Variants in SYN3 observed in about 807,000 individuals in gnomAD.
SYN3 encodes the protein synapsin III.
SYN3 carries 35 observed loss-of-function variants against 65.8 expected under a neutral mutation model. The observed-to-expected ratio is 0.53, with a 90% CI of 0.41 to 0.70. The LOEUF is 0.70. Ranked by LOEUF, SYN3 falls within the 30% of genes least tolerant of loss-of-function variation. SYN3 has a pLI of 0.00. For synonymous variants in SYN3, 270 were observed against 292.9 expected, an observed-to-expected ratio of 0.92 and a Z score of 0.80; for missense variants, 680 against 749.0, an observed-to-expected ratio of 0.91 and a Z score of 1.08.
chr22:32,618,571 C>T (rs8135117), intron 6 of SYN3, among the ~76,000 whole-genome samples: 4 of 151,952 alleles, frequency 2.6e-5, no homozygotes, highest in Admixed American at 2.6e-4. Context: ...CATTTTCCCC[C>T]CTTTCATTCT....
At position 32,510,013 on chromosome 22, in the gene SYN3, G is replaced by A. The variant is rs906032887; in HGVS notation, c.*3679C>T. ...TCTGCGGCTGTTGTACACAGATACTGGAGTATCTGGGAGATATCCTTTGGA... is the reference window on the plus strand; with the variant it reads ...TCTGCGGCTGTTGTACACAGATACTAGAGTATCTGGGAGATATCCTTTGGA... On this transcript the variant is annotated 3_prime_UTR_variant, in exon 14 of 14. Transcript: ENST00000358763. Among the ~76,000 whole-genome samples, 1 of 152,172 alleles carries A rather than the reference G, an allele frequency of 6.6e-6. No homozygotes were observed. Among genetic ancestry groups the A allele is most frequent in the Non-Finnish European group, 1.5e-5 (1 of 68,040 alleles).
intron 7 of SYN3, among the ~76,000 whole-genome samples, chr22:32,549,567 T>C (rs1020156923): frequency 2.6e-5 from 4 of 152,190 alleles, no homozygotes; most frequent in Non-Finnish European, 5.9e-5. Context: ...TGCAAACTTT[T>C]ATCAAGAATT....
intron 6 of SYN3, among the ~76,000 whole-genome samples, chr22:32,630,282 G>A (rs1344716332): frequency 6.6e-6 from 1 of 151,888 alleles, no homozygotes; most frequent in Non-Finnish European, 1.5e-5. Context: ...ACACCCGGCC[G>A]TATGTATGTA....
intron 1 of SYN3, among the ~76,000 whole-genome samples, chr22:33,030,959 A>G (rs2053745023): frequency 6.6e-6 from 1 of 152,178 alleles, no homozygotes; most frequent in South Asian, 2.1e-4. Context: ...ACAGATATAC[A>G]TAGACAGACA....
At chr22:32,564,708 A>G (rs1157969521) in intron 7 of SYN3, among the ~76,000 whole-genome samples, 3 of 150,924 alleles carry the variant, frequency 2.0e-5, no homozygotes, top group Admixed American at 2.0e-4. Flanking sequence ...CTGCACCCAA[A>G]CAGTGCTCCC....
At chr22:32,726,313 T>C (rs2061191956) in intron 6 of SYN3, among the ~76,000 whole-genome samples, 1 of 152,172 alleles carries the variant, frequency 6.6e-6, no homozygotes, top group South Asian at 2.1e-4. Context: ...CAGCTAATTT[T>C]TGTATTTTTG....
At chr22:32,789,358 A>G (rs188564290) in intron 6 of SYN3, among the ~76,000 whole-genome samples, 1 of 152,312 alleles carries the variant, frequency 6.6e-6, no homozygotes, top group African/African-American at 2.4e-5. Flanking sequence ...AAGCAGTTCC[A>G]GCCACCTTCA....
intron 6 of SYN3, among the ~76,000 whole-genome samples, chr22:32,785,387 G>A (rs2046167953): frequency 6.6e-6 from 1 of 152,208 alleles, no homozygotes; most frequent in Admixed American, 6.5e-5. Context: ...AGGGTCCCTC[G>A]TACTTTCTTT....
chr22:32,833,858 G>A (rs773532534), intron 6 of SYN3: 8 of 500,786 alleles, frequency 1.6e-5, no homozygotes, highest in Non-Finnish European at 8.0e-6. Context: ...ATCATGCATG[G>A]AAAGTGCCTG....
At chr22:33,027,373 G>A (rs1452117362) in intron 1 of SYN3, among the ~76,000 whole-genome samples, 1 of 152,094 alleles carries the variant, frequency 6.6e-6, no homozygotes, top group Non-Finnish European at 1.5e-5. Context: ...GAAGCAGGCA[G>A]ATCGCCTGAG....
chr22:32,759,827 T>G (rs1322084677), intron 6 of SYN3, among the ~76,000 whole-genome samples: 3 of 13,750 alleles, frequency 2.2e-4, no homozygotes, highest in African/African-American at 6.4e-4. Context: ...CCACCCACCA[T>G]CAGCCAGCAC....
At chr22:32,586,036 ATGTATATGTATATATG>A (rs2059029807) in intron 7 of SYN3, among the ~76,000 whole-genome samples, 1 of 103,592 alleles carries the variant, frequency 9.7e-6, no homozygotes, top group Non-Finnish European at 1.8e-5. Context: ...GTATGTATAT[ATGTATATGTATATATG>A]TGTATATGTA....
At chr22:33,045,459 C>CTTTTTTTT (rs745442160) in intron 1 of SYN3, among the ~76,000 whole-genome samples, 10 of 84,724 alleles carry the variant, frequency 1.2e-4, no homozygotes, top group African/African-American at 2.2e-4. Context: ...GCTCTACTTT[C>CTTTTTTTT]TTTTTTTTTT....
At chr22:32,644,371 A>G (rs2059953765) in intron 6 of SYN3, among the ~76,000 whole-genome samples, 1 of 152,060 alleles carries the variant, frequency 6.6e-6, no homozygotes, top group Non-Finnish European at 1.5e-5. Context: ...GGGAAGAGGA[A>G]GAGGGAGGTG....
intron 6 of SYN3, among the ~76,000 whole-genome samples, chr22:32,648,926 T>C (rs1467720349): frequency 6.6e-6 from 1 of 152,236 alleles, no homozygotes; most frequent in Non-Finnish European, 1.5e-5. Context: ...GGAGTTTGGA[T>C]GGGCACAAAG....
intron 6 of SYN3, among the ~76,000 whole-genome samples, chr22:32,785,156 G>T (rs940378366): frequency 1.3e-5 from 2 of 152,066 alleles, no homozygotes; most frequent in African/African-American, 4.8e-5. Flanking sequence ...GGATGAGAGG[G>T]GTCAGTCGGT....
At chr22:32,741,644 C>T (rs921398832) in intron 6 of SYN3, among the ~76,000 whole-genome samples, 8 of 152,044 alleles carry the variant, frequency 5.3e-5, no homozygotes, top group African/African-American at 9.7e-5. Flanking sequence ...CGTGAGCCAT[C>T]GTGCTTGCCC....
intron 2 of SYN3, among the ~76,000 whole-genome samples, chr22:32,993,057 C>T (rs1401056227): frequency 6.6e-6 from 1 of 152,098 alleles, no homozygotes; most frequent in Non-Finnish European, 1.5e-5. Flanking sequence ...TGTTCTTCCC[C>T]AGGAATTTGA....
chr22:32,771,074 A>G (rs1445443711), intron 6 of SYN3, among the ~76,000 whole-genome samples: 1 of 151,364 alleles, frequency 6.6e-6, no homozygotes, highest in Non-Finnish European at 1.5e-5. Flanking sequence ...TCACCCCCCA[A>G]CAGGCCCTGG....
Sources: gnomAD v4.1 joint callset for allele counts (sites outside exome capture counted in the v4.1 genomes callset) on GRCh38, gnomAD v4.1.1 for gene constraint, MANE v1.5 for transcripts, NCBI Gene and HGNC (gene_info 2026-07-23, HGNC 2026-07-21) for gene names.